PRKCE: variants seen among roughly 807,000 people sequenced by gnomAD.
The protein encoded by PRKCE is protein kinase C epsilon.
PRKCE carries 16 observed loss-of-function variants against 85.4 expected under a neutral mutation model. The ratio of observed to expected loss-of-function variants is 0.19; its 90% confidence interval spans 0.13 to 0.28. PRKCE has a LOEUF of 0.28. PRKCE is among the 10% of genes least tolerant of loss of function. PRKCE has a pLI of 1.00. For missense variants in PRKCE, 573 were observed against 975.2 expected (o/e 0.59, Z 5.49); for synonymous variants, 388 against 371.5 (o/e 1.04, Z -0.51).
chr2:45,966,177 A>G (rs1701715490), intron 2 of PRKCE, among the ~76,000 whole-genome samples: 1 of 152,172 alleles, frequency 6.6e-6, no homozygotes, highest in Admixed American at 6.5e-5. Context: ...CTTTGTGCCA[A>G]AAGTAATGCC....
At chr2:46,124,356 A>G (rs1395717992) in intron 11 of PRKCE, among the ~76,000 whole-genome samples, 1 of 152,196 alleles carries the variant, frequency 6.6e-6, no homozygotes, top group Admixed American at 6.5e-5. Context: ...ACTAGTGTTG[A>G]GTAGCTGACA....
chr2:45,681,685 G>C (rs905656586), intron 1 of PRKCE, among the ~76,000 whole-genome samples: 1 of 152,118 alleles, frequency 6.6e-6, no homozygotes, highest in African/African-American at 2.4e-5. Context: ...CCAGAGCTGG[G>C]GCTATTTCTT....
chr2:45,807,748 A>G (rs1377555104), intron 1 of PRKCE, among the ~76,000 whole-genome samples: 1 of 151,918 alleles, frequency 6.6e-6, no homozygotes, highest in Non-Finnish European at 1.5e-5. Flanking sequence ...TGAGACCCCC[A>G]TCTCAGACCT....
intron 13 of PRKCE, among the ~76,000 whole-genome samples, chr2:46,154,207 T>C (rs1318259436): frequency 1.3e-5 from 2 of 152,100 alleles, no homozygotes. Context: ...CTCTGGCTGC[T>C]GGGGAGAGCG....
At chr2:45,990,685 C>T (rs1394744576) in intron 6 of PRKCE, among the ~76,000 whole-genome samples, 2 of 149,130 alleles carry the variant, frequency 1.3e-5, no homozygotes, top group Non-Finnish European at 3.0e-5. Flanking sequence ...GATGGAGTCT[C>T]GCTCTGTTGC....
At chr2:46,162,463 G>A (rs909162302) in intron 14 of PRKCE, among the ~76,000 whole-genome samples, 20 of 152,114 alleles carry the variant, frequency 1.3e-4, no homozygotes, top group Admixed American at 2.0e-4. Context: ...TCGTTGCCTT[G>A]AAGTGATCTC....
intron 2 of PRKCE, among the ~76,000 whole-genome samples, chr2:45,949,379 T>A (rs192741173): frequency 6.7e-6 from 1 of 150,254 alleles, no homozygotes; most frequent in African/African-American, 2.4e-5. Flanking sequence ...TATTGGCCGA[T>A]GAATTGTTCA....
At chr2:45,828,346 G>C (rs1320249865) in intron 1 of PRKCE, among the ~76,000 whole-genome samples, 1 of 152,210 alleles carries the variant, frequency 6.6e-6, no homozygotes, top group Non-Finnish European at 1.5e-5. Flanking sequence ...GTTGCAGTGA[G>C]CCAAGGTAGC....
At chr2:46,034,351 C>T (rs887257276) in intron 10 of PRKCE, among the ~76,000 whole-genome samples, 8 of 152,186 alleles carry the variant, frequency 5.3e-5, no homozygotes, top group African/African-American at 1.9e-4. Context: ...CCATAGCAAG[C>T]ATTTAATAAA....
intron 11 of PRKCE, among the ~76,000 whole-genome samples, chr2:46,112,655 G>A (rs1240032139): frequency 6.6e-6 from 1 of 152,008 alleles, no homozygotes; most frequent in Non-Finnish European, 1.5e-5. Context: ...AAGTAGCTGG[G>A]ATTACAGGCA....
rs637909 is a variant in PRKCE at position 45,652,471 on chromosome 2, A to G, written c.348+23A>G. Reference sequence around the variant, plus strand: ...TGGGTGAGTGCGGCGCCTCCCCGTCATTCCGGGAACCCGGTTGTGGGGTCC... The same window carrying G: ...TGGGTGAGTGCGGCGCCTCCCCGTCGTTCCGGGAACCCGGTTGTGGGGTCC... On this transcript the variant is annotated intron_variant, in intron 1 of 14. Transcript: ENST00000306156. The surrounding 1 kb of genome is among the most constrained non-coding windows in gnomAD (Gnocchi z 7.7). The G allele has an allele frequency of 0.85, 1,346,348 of 1,579,016 alleles. 574,336 individuals carry two copies. Among genetic ancestry groups the G allele is most frequent in the East Asian group, 0.87 (38,633 of 44,298 alleles).
chr2:45,897,476 A>T (rs1355681084), intron 2 of PRKCE, among the ~76,000 whole-genome samples: 2 of 152,218 alleles, frequency 1.3e-5, no homozygotes, highest in African/African-American at 4.8e-5. Context: ...TTTTATTTTT[A>T]AAATTTGAAG....
intron 10 of PRKCE, among the ~76,000 whole-genome samples, chr2:46,028,430 A>G (rs529251271): frequency 6.6e-6 from 1 of 152,370 alleles, no homozygotes; most frequent in Admixed American, 6.5e-5. Context: ...AACCATAGTT[A>G]TCTTTCCATT....
chr2:45,733,439 C>T (rs151310783), intron 1 of PRKCE, among the ~76,000 whole-genome samples: 37 of 152,180 alleles, frequency 2.4e-4, no homozygotes, highest in African/African-American at 7.2e-4. Flanking sequence ...ACAAATAATA[C>T]GCAAGAAACA....
Position 45,961,242 on chromosome 2 carries a change from C to A in PRKCE, c.413-15187C>A, listed in dbSNP as rs536274548. ...TCACAATACCTACCTCCTTTCCCCC[C>A]CCGATTTGGTTGAGCAGTGAACAAG... On this transcript the variant is annotated intron_variant, in intron 2 of 14. Coordinates refer to ENST00000306156, the MANE Select transcript of PRKCE (RefSeq NM_005400.3). Among the ~76,000 whole-genome samples, 11 of 152,304 alleles carry A rather than the reference C, an allele frequency of 7.2e-5. No homozygotes were observed. The East Asian group carries it at 9.6e-4, about 13-fold the overall frequency.
chr2:46,065,638 T>G (rs1232940690), intron 10 of PRKCE, among the ~76,000 whole-genome samples: 1 of 152,204 alleles, frequency 6.6e-6, no homozygotes, highest in African/African-American at 2.4e-5. Context: ...AATTACATAC[T>G]TCTGGTTGGT....
intron 1 of PRKCE, among the ~76,000 whole-genome samples, chr2:45,806,908 A>C (rs1688286411): frequency 1.3e-5 from 2 of 152,238 alleles, no homozygotes; most frequent in South Asian, 4.2e-4. Context: ...AGCTTCTGTG[A>C]GGCTTCTTTA....
At chr2:46,100,590 C>T (rs113444020) in intron 11 of PRKCE, among the ~76,000 whole-genome samples, 21 of 152,284 alleles carry the variant, frequency 1.4e-4, no homozygotes, top group African/African-American at 4.8e-4. Flanking sequence ...AGTCCCCTCC[C>T]GTGTTGGAAA....
chr2:45,944,512 A>G (rs2104259170), intron 2 of PRKCE, among the ~76,000 whole-genome samples: 1 of 152,240 alleles, frequency 6.6e-6, no homozygotes, highest in Non-Finnish European at 1.5e-5. Context: ...TTTTTGAGAC[A>G]GGGTCTTGCT....
Sources: gnomAD v4.1 joint callset for allele counts (sites outside exome capture counted in the v4.1 genomes callset) on GRCh38, gnomAD v4.1.1 for gene constraint, Gnocchi (gnomAD v3.1) non-coding constraint, MANE v1.5 for transcripts, NCBI Gene and HGNC (gene_info 2026-07-23, HGNC 2026-07-21) for gene names.